The following EYA1 variants were observed in gnomAD, a reference collection of about 807,000 sequenced individuals.
EYA1 encodes protein phosphatase EYA1.
In EYA1, 16 loss-of-function variants were observed where a neutral mutation model predicts 82.0. That is an observed-to-expected ratio of 0.20 (90% confidence interval 0.13 to 0.30). The LOEUF is 0.30. Among genes scored for constraint, EYA1 ranks in the 10% least tolerant of loss-of-function variants. The pLI is 1.00. For synonymous variants in EYA1, 261 were observed against 264.4 expected (o/e 0.99, Z 0.12); for missense variants, 633 against 730.7 (o/e 0.87, Z 1.54).
intron 2 of EYA1, among the ~76,000 whole-genome samples, chr8:71,505,213 A>G (rs1451141648): frequency 6.6e-6 from 1 of 152,180 alleles, no homozygotes; most frequent in Non-Finnish European, 1.5e-5. Context: ...TGAAATGAAG[A>G]TGAATGCAGT....
chr8:71,269,906 T>C, intron 10 of EYA1, 83 bp from the exon 11 acceptor site: 1 of 995,318 alleles, frequency 1.0e-6, no homozygotes, highest in South Asian at 1.3e-5. Flanking sequence ...GAAAAAGTCA[T>C]CTTGAAACGG....
At position 71,297,308 on chromosome 8, in the gene EYA1, C is replaced by T. The variant is rs141023010; in HGVS notation, c.826+1739G>A. Among the ~76,000 whole-genome samples, 434 of 152,204 alleles carry T rather than the reference C, an allele frequency of 2.9e-3. 1 individual carries two copies. Among genetic ancestry groups the T allele is most frequent in the African/African-American group, 1.0e-2 (414 of 41,544 alleles). On this transcript the variant is annotated intron_variant, in intron 9 of 17. Coordinates refer to ENST00000340726, the MANE Select transcript of EYA1 (RefSeq NM_000503.6). ...CATAGCATCCCTTTTAGGAAAAATA[C>T]TCACTTAGAACAATGTCTGGTTTCA...
chr8:71,365,964 A>G (rs1827728379), upstream of EYA1, among the ~76,000 whole-genome samples: 1 of 152,248 alleles, frequency 6.6e-6, no homozygotes, highest in Non-Finnish European at 1.5e-5. Context: ...GAGGTAATTA[A>G]CTATTAGCTG....
At chr8:71,320,286 C>T (rs2129029484) in intron 6 of EYA1, among the ~76,000 whole-genome samples, 1 of 152,224 alleles carries the variant, frequency 6.6e-6, no homozygotes, top group Middle Eastern at 3.4e-3. Flanking sequence ...GGGAATGGCA[C>T]CTTCCAATGG....
chr8:71,271,736 T>G (rs761366046), intron 10 of EYA1, 22 bp downstream of exon 10: 23 of 1,614,178 alleles, frequency 1.4e-5, no homozygotes, highest in Non-Finnish European at 1.9e-5. Flanking sequence ...TTCTATTCAC[T>G]TGGGTGTTGG....
chr8:71,211,378 T>G, intron 16 of EYA1, 122 bp from the exon 17 acceptor site: 2 of 700,002 alleles, frequency 2.9e-6, no homozygotes, highest in Non-Finnish European at 2.6e-6. Context: ...CTAGTACCTC[T>G]AAGAGGAATG....
intron 9 of EYA1, among the ~76,000 whole-genome samples, chr8:71,290,950 AC>A (rs1818931559): frequency 6.6e-6 from 1 of 152,214 alleles, no homozygotes; most frequent in African/African-American, 2.4e-5. Flanking sequence ...TGTTTCCAAA[AC>A]ATTAGTTAAA....
At chr8:71,218,815 G>A (rs1809529245) in intron 12 of EYA1, among the ~76,000 whole-genome samples, 1 of 151,742 alleles carries the variant, frequency 6.6e-6, no homozygotes, top group African/African-American at 2.4e-5. Flanking sequence ...AGAGCGTGTG[G>A]TTAGCGTTGG....
chr8:71,197,879 T>C lies in EYA1; in HGVS notation c.*1461A>G, dbSNP rs1181688928. The stretch of plus-strand genomic sequence containing the variant: ...CCAAACTGACCACTTTTGGAGAAAC[T>C]CTTATGGTCTGACAAAGGTGATAAT... On this transcript the variant is annotated 3_prime_UTR_variant, in exon 18 of 18. Coordinates refer to ENST00000340726, the MANE Select transcript of EYA1 (RefSeq NM_000503.6). 1 of 152,460 alleles carries C rather than the reference T, an allele frequency of 6.6e-6. No individual in the cohort carries two copies. The highest frequency in any genetic ancestry group is 2.1e-4 in the South Asian group (1 of 4,818). 9.4% of individuals were successfully genotyped at this position (152,460 alleles called of 1,614,324 possible). A position where few individuals can be genotyped will look rare whatever the true frequency, so the allele number is the denominator to read the frequency against.
intron 3 of EYA1, among the ~76,000 whole-genome samples, chr8:71,337,456 C>T (rs548550345): frequency 6.6e-6 from 1 of 152,280 alleles, no homozygotes; most frequent in East Asian, 1.9e-4. Context: ...TCCTCCAACT[C>T]CTTCACTTGG....
At chr8:71,518,214 C>G (rs1355362399) in intron 2 of EYA1, among the ~76,000 whole-genome samples, 2 of 152,088 alleles carry the variant, frequency 1.3e-5, no homozygotes, top group African/African-American at 4.8e-5. Context: ...CAACTGCAAA[C>G]ATTTCTTAAA....
Position 71,269,627 on chromosome 8 carries a change from C to T in EYA1, c.1050+113G>A, listed in dbSNP as rs2053664. ...ATATATATTTGACTATATAGTTCTTCTCCATTTATATTTTAAATTTGTTAA... is the reference window on the plus strand; with the variant it reads ...ATATATATTTGACTATATAGTTCTTTTCCATTTATATTTTAAATTTGTTAA... On this transcript the variant is annotated intron_variant, in intron 11 of 17. Transcript: ENST00000340726. 0.27 allele frequency: 195,157 copies of T among 721,220 alleles called. 26,753 individuals carry two copies. The highest frequency in any genetic ancestry group is 0.3 in the Admixed American group (11,642 of 38,880). 44.7% of individuals were successfully genotyped at this position (721,220 alleles called of 1,614,324 possible).
chr8:71,319,494 A>G (rs1042782772), intron 6 of EYA1, among the ~76,000 whole-genome samples: 11 of 152,092 alleles, frequency 7.2e-5, no homozygotes, highest in African/African-American at 2.7e-4. Flanking sequence ...TGTGATAAGA[A>G]CATGTAAGGA....
intron 9 of EYA1, among the ~76,000 whole-genome samples, chr8:71,287,548 A>G (rs1586190034): frequency 6.6e-6 from 1 of 152,356 alleles, no homozygotes; most frequent in South Asian, 2.1e-4. Flanking sequence ...TAATCTCTGG[A>G]TAACCTGGTA....
intron 1 of EYA1, among the ~76,000 whole-genome samples, chr8:71,358,034 T>C (rs977447922): frequency 5.3e-5 from 8 of 152,206 alleles, no homozygotes; most frequent in East Asian, 1.9e-4. Context: ...ACTAACTTAG[T>C]TTTAAGAACT....
chr8:71,547,141 G>A (rs1815687373), intron 1 of EYA1, among the ~76,000 whole-genome samples: 1 of 151,724 alleles, frequency 6.6e-6, no homozygotes, highest in Admixed American at 6.6e-5. Context: ...CTTTTAACTC[G>A]CCTCTTTGAC....
chr8:71,441,120 G>A (rs1806404456), intron 2 of EYA1, among the ~76,000 whole-genome samples: 3 of 152,154 alleles, frequency 2.0e-5, no homozygotes. Flanking sequence ...AATGATTTGA[G>A]AAATTGTAAC....
At chr8:71,474,445 C>T (rs941078890) in intron 2 of EYA1, among the ~76,000 whole-genome samples, 4 of 152,142 alleles carry the variant, frequency 2.6e-5, no homozygotes, top group African/African-American at 9.7e-5. Flanking sequence ...GCCATAAAGA[C>T]TACTCAGCCA....
chr8:71,532,074 G>C (rs562414459), intron 2 of EYA1, among the ~76,000 whole-genome samples: 7 of 152,246 alleles, frequency 4.6e-5, no homozygotes, highest in African/African-American at 1.4e-4. Flanking sequence ...GGGTCATGAG[G>C]CTACATGATA....
Sources: allele counts gnomAD v4.1 joint callset (sites outside exome capture counted in the v4.1 genomes callset), GRCh38; gene constraint gnomAD v4.1.1; transcripts MANE v1.5; gene names NCBI Gene and HGNC (gene_info 2026-07-23, HGNC 2026-07-21).